CMIP: variants seen among roughly 807,000 people sequenced by gnomAD.
CMIP encodes the protein c-Maf inducing protein.
Under a neutral mutation model 97.3 loss-of-function variants are expected in CMIP, and 13 were observed. The observed-to-expected ratio is 0.13, with a 90% CI of 0.09 to 0.21. The LOEUF (loss-of-function observed/expected upper bound fraction) is 0.21. Among genes scored for constraint, CMIP ranks in the 10% least tolerant of loss-of-function variants. CMIP has a pLI of 1.00. For missense variants in CMIP, 847 were observed against 1,024.9 expected, an observed-to-expected ratio of 0.83 and a Z score of 2.37; for synonymous variants, 538 against 436.3, an observed-to-expected ratio of 1.23 and a Z score of -2.91.
At chr16:81,486,703 G>A (rs2089319669) in intron 1 of CMIP, among the ~76,000 whole-genome samples, 2 of 152,252 alleles carry the variant, frequency 1.3e-5, no homozygotes, top group South Asian at 4.1e-4. Context: ...AAGAGACCTT[G>A]AAGGCTCTTA....
intron 1 of CMIP, among the ~76,000 whole-genome samples, chr16:81,548,052 C>T (rs1192972665): frequency 1.3e-5 from 2 of 151,992 alleles, no homozygotes; most frequent in African/African-American, 2.4e-5. Context: ...TTATCTAGGG[C>T]TTACCTTGAC....
At chr16:81,626,074 T>G (rs2092056887) in intron 3 of CMIP, among the ~76,000 whole-genome samples, 1 of 152,236 alleles carries the variant, frequency 6.6e-6, no homozygotes, top group African/African-American at 2.4e-5. Context: ...CGCTGCCTTC[T>G]TCTTGCTGGG....
intron 1 of CMIP, among the ~76,000 whole-genome samples, chr16:81,480,713 G>T (rs1908207242): frequency 6.6e-6 from 1 of 152,196 alleles, no homozygotes; most frequent in South Asian, 2.1e-4. Context: ...GGTGCCAGCT[G>T]TATGCCAGGC....
chr16:81,663,457 G>A (rs1368049638), intron 6 of CMIP, among the ~76,000 whole-genome samples: 2 of 152,186 alleles, frequency 1.3e-5, no homozygotes, highest in East Asian at 1.9e-4. Flanking sequence ...TAAAATGATC[G>A]GTGGTTGCCA....
At chr16:81,671,917 G>T in intron 8 of CMIP, 49 bp from the exon 9 acceptor site, 1 of 1,014,608 alleles carries the variant, frequency 9.9e-7, no homozygotes, top group Non-Finnish European at 1.5e-6. Context: ...CCCTGTCCAT[G>T]GGCCCCACTC....
intron 3 of CMIP, chr16:81,630,437 C>A (rs2092140175): frequency 6.6e-6 from 1 of 152,386 alleles, no homozygotes; most frequent in Non-Finnish European, 1.5e-5. Context: ...TGCCTGGCCA[C>A]CCAGTTGACA....
intron 3 of CMIP, chr16:81,651,437 C>T (rs763035203): frequency 3.3e-5 from 32 of 962,818 alleles, no homozygotes; most frequent in Non-Finnish European, 3.6e-5. Flanking sequence ...GGTGAGAGCA[C>T]TCTTGTCTTC....
rs556098149 is a variant in CMIP at position 81,691,856 on chromosome 16, A to T, written c.1454+16A>T. ...TCCCCAAAGAGTAAGTCCCGTGTGC[A>T]TCCCCGGAGCCCTCCCACCTGTGAG... On this transcript the variant is annotated intron_variant, in intron 11 of 20. Transcript: ENST00000537098. 1 of 1,610,056 alleles carries T rather than the reference A, an allele frequency of 6.2e-7. No individual in the cohort carries two copies. The highest frequency in any genetic ancestry group is 8.5e-7 in the Non-Finnish European group (1 of 1,176,536).
chr16:81,471,415 C>CAT (rs138203941), intron 1 of CMIP, among the ~76,000 whole-genome samples: 40,920 of 152,070 alleles, frequency 0.27, 5,976 homozygotes, highest in Admixed American at 0.4. Context: ...TGCATACACA[C>CAT]ATACATGTAC....
At chr16:81,689,988 G>A (rs1217606209) in intron 10 of CMIP, among the ~76,000 whole-genome samples, 2 of 152,054 alleles carry the variant, frequency 1.3e-5, no homozygotes, top group Non-Finnish European at 2.9e-5. Context: ...TATTTCTGAG[G>A]GCCCTGTTCT....
chr16:81,481,199 A>G (rs927518785), intron 1 of CMIP, among the ~76,000 whole-genome samples: 1 of 152,164 alleles, frequency 6.6e-6, no homozygotes, highest in Admixed American at 6.5e-5. Flanking sequence ...GCTCTTAGGA[A>G]TATGCGGTGA....
intron 6 of CMIP, among the ~76,000 whole-genome samples, chr16:81,661,377 G>A (rs898678163): frequency 5.3e-5 from 8 of 152,266 alleles, no homozygotes; most frequent in East Asian, 1.9e-4. Context: ...CAGGGCATCC[G>A]CTGCCGGGCA....
chr16:81,457,624 T>C (rs937430538), intron 1 of CMIP, among the ~76,000 whole-genome samples: 6 of 152,118 alleles, frequency 3.9e-5, no homozygotes, highest in Admixed American at 6.5e-5. Flanking sequence ...ACATTACCCC[T>C]GGTTGAGAAC....
intron 3 of CMIP, among the ~76,000 whole-genome samples, chr16:81,637,478 A>G (rs748444351): frequency 2.0e-5 from 3 of 152,196 alleles, no homozygotes; most frequent in Non-Finnish European, 4.4e-5. Context: ...AATTCTCCCA[A>G]TAGCTCCAGG....
intron 1 of CMIP, among the ~76,000 whole-genome samples, chr16:81,476,696 A>G (rs974047206): frequency 3.3e-5 from 5 of 152,162 alleles, no homozygotes; most frequent in Non-Finnish European, 5.9e-5. Context: ...TGGCATATTT[A>G]TTTATGCATT....
At chr16:81,660,652 T>G (rs1436693983) in intron 5 of CMIP, among the ~76,000 whole-genome samples, 2 of 152,204 alleles carry the variant, frequency 1.3e-5, no homozygotes, top group Admixed American at 1.3e-4. Flanking sequence ...GTGCCCTCTT[T>G]AGAAACACCT....
chr16:81,540,634 CTTGTT>C (rs1221731196), intron 1 of CMIP, among the ~76,000 whole-genome samples: 3 of 134,578 alleles, frequency 2.2e-5, no homozygotes, highest in Non-Finnish European at 3.2e-5. Flanking sequence ...TTAAATGTGT[CTTGTT>C]TTGAGTGTGT....
At chr16:81,571,391 C>A (rs760258968) in intron 1 of CMIP, among the ~76,000 whole-genome samples, 11 of 151,814 alleles carry the variant, frequency 7.2e-5, no homozygotes, top group Non-Finnish European at 1.2e-4. Flanking sequence ...TCTTTTGAGC[C>A]CAGGAATTTG....
At chr16:81,458,507 G>A (rs1391522489) in intron 1 of CMIP, among the ~76,000 whole-genome samples, 1 of 152,178 alleles carries the variant, frequency 6.6e-6, no homozygotes, top group East Asian at 1.9e-4. Flanking sequence ...CCTCCACTGG[G>A]TGCTCCTGCG....
Sources: allele counts gnomAD v4.1 joint callset (sites outside exome capture counted in the v4.1 genomes callset), GRCh38; gene constraint gnomAD v4.1.1; transcripts MANE v1.5; gene names NCBI Gene and HGNC (gene_info 2026-07-23, HGNC 2026-07-21).